The following RIPK4 variants were observed in gnomAD, a reference collection of about 807,000 sequenced individuals.
The protein encoded by RIPK4 is receptor interacting serine/threonine kinase 4.
Under a neutral mutation model 42.9 loss-of-function variants are expected in RIPK4, and 17 were observed. That is an observed-to-expected ratio of 0.40 (90% CI 0.27 to 0.59). The LOEUF is 0.59. Among genes scored for constraint, RIPK4 ranks in the 20% least tolerant of loss-of-function variants. The pLI is 0.47. For missense variants in RIPK4, 897 were observed against 1,104.4 expected, an observed-to-expected ratio of 0.81 and a Z score of 2.66; for synonymous variants, 498 against 499.1, an observed-to-expected ratio of 1.00 and a Z score of 0.03.
At chr21:41,745,027 C>A (rs936510771) in intron 6 of RIPK4, among the ~76,000 whole-genome samples, 1 of 152,124 alleles carries the variant, frequency 6.6e-6, no homozygotes, top group Admixed American at 6.5e-5. Flanking sequence ...CTGGGTGTAC[C>A]GAGCCACCCC....
At chr21:41,748,966 A>G (rs963935741) in intron 4 of RIPK4, among the ~76,000 whole-genome samples, 188 bp downstream of exon 4, 5 of 152,228 alleles carry the variant, frequency 3.3e-5, no homozygotes, top group African/African-American at 1.2e-4. Context: ...GCTGGCACCT[A>G]AAAACATTCC....
intron 1 of RIPK4, among the ~76,000 whole-genome samples, chr21:41,757,844 C>T (rs2061208478): frequency 6.6e-6 from 1 of 150,572 alleles, no homozygotes. Flanking sequence ...ACGAAAAATA[C>T]AAAAATTAGC....
In RIPK4 at chr21:41,742,298, G is replaced by A. The variant is rs1177775260; in HGVS notation, c.1196-301C>T. ...TTGGTGCTTAGAGATGGCAGTGACT[G>A]CAAACATCCCTTCATTAAAGAAAGA... On this transcript the variant is annotated intron_variant, in intron 7 of 7. Transcript: ENST00000332512. The surrounding 1 kb of genome is among the most constrained non-coding windows in gnomAD (Gnocchi z 5.1). 6.6e-6 allele frequency among the ~76,000 whole-genome samples: 1 copy of A among 152,224 alleles called. No homozygotes were observed. The highest frequency in any genetic ancestry group is 1.5e-5 in the Non-Finnish European group (1 of 68,046).
chr21:41,749,342 G>C (rs538034396), intron 3 of RIPK4, 139 bp from the exon 4 acceptor site: 1 of 806,736 alleles, frequency 1.2e-6, no homozygotes, highest in Non-Finnish European at 2.0e-6. Flanking sequence ...TATTTCTCCT[G>C]TTTTTAAAAA....
chr21:41,740,759 C>T lies in RIPK4; in HGVS notation c.*79G>A. The T allele has an allele frequency of 7.0e-7, 1 of 1,420,588 alleles. No individual in the cohort carries two copies. The highest frequency in any genetic ancestry group is 9.4e-7 in the Non-Finnish European group (1 of 1,063,316). The allele number at this position is 1,420,588 out of a possible 1,614,324, so 88.0% of individuals were successfully genotyped here. A position where few individuals can be genotyped will look rare whatever the true frequency, so the allele number is the denominator to read the frequency against. ...AGGTAAGCCACAACAGGGCCCCACG[C>T]AGGATCGTTCCATCCCCACGAGGAA... is the stretch of plus-strand genomic sequence containing the variant. On this transcript the variant is annotated 3_prime_UTR_variant, in exon 8 of 8. Transcript: ENST00000332512.
Position 41,741,171 on chromosome 21 carries a change from C to T in RIPK4, c.2022G>A (p.Leu674=). The change falls in exon 8 of 8, where the codon CTG becomes CTA. Residue 674 remains leucine (L), a synonymous_variant. Coordinates refer to ENST00000332512, the MANE Select transcript of RIPK4 (RefSeq NM_020639.3). ...EAMTSDGYTA[L]HLAARNGHLA... The stretch of plus-strand genomic sequence containing the variant: ...GGTGTCCGTTGCGGGCAGCCAGGTG[C>T]AGAGCGGTGTAGCCGTCTGAGGTCA... 2 of 1,612,488 alleles carry T rather than the reference C, an allele frequency of 1.2e-6. No homozygotes were observed. Among genetic ancestry groups the T allele is most frequent in the South Asian group, 2.2e-5 (2 of 90,944 alleles).
Position 41,741,159 on chromosome 21 carries a change from GGC to G in RIPK4, c.2032_2033del (p.Ala678ProfsTer51), listed in dbSNP as rs1569098523. Reference protein sequence around the residue: ...SDGYTALHLAARNGHLATVKL... With the variant: ...SDGYTALHLAXRNGHLATVKL... ...TGACAGTGGCCAGGTGTCCGTTGCG[GGC>G]AGCCAGGTGCAGAGCGGTGTAGCCG... On this transcript the variant is annotated frameshift_variant, in exon 8 of 8. Coordinates refer to ENST00000332512, the MANE Select transcript of RIPK4 (RefSeq NM_020639.3). LOFTEE classifies it low-confidence loss of function (END_TRUNC). 6.2e-7 allele frequency: 1 copy of G among 1,612,820 alleles called. No homozygotes were observed. The highest frequency in any genetic ancestry group is 8.5e-7 in the Non-Finnish European group (1 of 1,179,830).
In RIPK4 at chr21:41,766,633, C is replaced by G. The variant is rs534649536; in HGVS notation, c.182+227G>C. On this transcript the variant is annotated intron_variant, in intron 1 of 7. Transcript: ENST00000332512. Reference sequence around the variant, plus strand: ...GAGGAGCCGCCTGACCCGGCCCCGACGTGCGCGATCGAGCCCGGGCTCGCC... The same window carrying G: ...GAGGAGCCGCCTGACCCGGCCCCGAGGTGCGCGATCGAGCCCGGGCTCGCC... Among the ~76,000 whole-genome samples the G allele has an allele frequency of 1.7e-4, 26 of 152,260 alleles. No homozygotes were observed. The South Asian group carries it at 5.4e-3, about 32-fold the overall frequency.
At chr21:41,762,909 A>G (rs1055210310) in intron 1 of RIPK4, among the ~76,000 whole-genome samples, 1 of 152,310 alleles carries the variant, frequency 6.6e-6, no homozygotes, top group Non-Finnish European at 1.5e-5. Flanking sequence ...TACTGTTGAC[A>G]GTGAAGTCAA....
Position 41,741,218 on chromosome 21 carries a change from G to T in RIPK4, c.1975C>A (p.Arg659=). 6.2e-7 allele frequency: 1 copy of T among 1,609,256 alleles called. No homozygotes were observed. Residue 659 remains arginine, a synonymous_variant, in exon 8 of 8, where the codon CGG becomes AGG. Transcript: ENST00000332512. The stretch of plus-strand genomic sequence containing the variant: ...GTCATGGCCTCCTTGCCAGCGCCCC[G>T]ATGCAGGAGCAGCCTGGCAGTGCTC... ...HTSTARLLLH[R]GAGKEAMTSD...
At position 41,741,992 on chromosome 21, in the gene RIPK4, C is replaced by T; in HGVS notation, c.1201G>A (p.Gly401Ser). Reference protein sequence around the residue: ...FEREPSTSDLGTTDVQKKKLV... With the variant: ...FEREPSTSDLSTTDVQKKKLV... The stretch of plus-strand genomic sequence containing the variant: ...TTCTTCTTCTGGACGTCTGTGGTGC[C>T]CAGATCTGCAGGGAGAGGAGAGGCA... The change falls in exon 8 of 8, where the codon GGC becomes AGC. Residue 401 changes from glycine to serine, a missense_variant. Coordinates refer to ENST00000332512, the MANE Select transcript of RIPK4 (RefSeq NM_020639.3). 1 of 1,583,468 alleles carries T rather than the reference C, an allele frequency of 6.3e-7. No homozygotes were observed. Among genetic ancestry groups the T allele is most frequent in the African/African-American group, 1.3e-5 (1 of 74,428 alleles).
At chr21:41,758,075 GAA>G (rs58311956) in intron 1 of RIPK4, among the ~76,000 whole-genome samples, 2 of 114,220 alleles carry the variant, frequency 1.8e-5, no homozygotes, top group Non-Finnish European at 3.5e-5. Flanking sequence ...GAGAGAGAGA[GAA>G]AATGTAGTCA....
At position 41,751,001 on chromosome 21, in the gene RIPK4, C is replaced by G; in HGVS notation, c.623+96G>C. ...CCCGAGCCCCATTTCTGACTGGCAGCAAGAGGCCTTTCTGAAAGCTGCAGC... is the reference window on the plus strand; with the variant it reads ...CCCGAGCCCCATTTCTGACTGGCAGGAAGAGGCCTTTCTGAAAGCTGCAGC... On this transcript the variant is annotated intron_variant, in intron 3 of 7. Coordinates refer to ENST00000332512, the MANE Select transcript of RIPK4 (RefSeq NM_020639.3). The surrounding 1 kb of genome is among the most constrained non-coding windows in gnomAD (Gnocchi z 4.5). The G allele has an allele frequency of 6.8e-7, 1 of 1,476,514 alleles. No homozygotes were observed. The highest frequency in any genetic ancestry group is 9.2e-7 in the Non-Finnish European group (1 of 1,092,310). 91.5% of individuals were successfully genotyped at this position (1,476,514 alleles called of 1,614,324 possible).
intron 1 of RIPK4, among the ~76,000 whole-genome samples, chr21:41,765,997 T>A (rs966896409): frequency 1.3e-5 from 2 of 152,252 alleles, no homozygotes; most frequent in African/African-American, 4.8e-5. Flanking sequence ...TCGTCTTTGT[T>A]ACCTTGAACA....
At position 41,755,174 on chromosome 21, in the gene RIPK4, C is replaced by T. The variant is rs1393559729; in HGVS notation, c.474+1351G>A. Among the ~76,000 whole-genome samples the T allele has an allele frequency of 6.6e-6, 1 of 152,136 alleles. No individual in the cohort carries two copies. The highest frequency in any genetic ancestry group is 2.4e-5 in the African/African-American group (1 of 41,422). On this transcript the variant is annotated intron_variant, in intron 2 of 7. Coordinates refer to ENST00000332512, the MANE Select transcript of RIPK4 (RefSeq NM_020639.3). This position sits in a 1 kb window ranked among gnomAD's most constrained non-coding sequence, Gnocchi z 4.2. Reference sequence around the variant, plus strand: ...ACAGGAAACGGGAATCCCAGGGGTCCCAGAACATAAGCAGATGCGGGAAAC... The same window carrying T: ...ACAGGAAACGGGAATCCCAGGGGTCTCAGAACATAAGCAGATGCGGGAAAC...
At chr21:41,756,494 C>T in intron 2 of RIPK4, 31 bp downstream of exon 2, 1 of 1,597,276 alleles carries the variant, frequency 6.3e-7, no homozygotes, top group East Asian at 2.2e-5. Flanking sequence ...CCTCCCTGCC[C>T]AGCTCTCTCG....
Position 41,741,726 on chromosome 21 carries a change from G to C in RIPK4, c.1467C>G (p.Leu489=). ...TGACACTGATCTTCCGCGCCAGCAG[G>C]AGCTCCACGACACCCCGCACCCTCC... ...VERRVRGVVE[L]LLARKISVNA... is the part of the protein sequence containing the mutation. Residue 489 remains leucine (L), a synonymous_variant, in exon 8 of 8, where the codon CTC becomes CTG. Coordinates refer to ENST00000332512, the MANE Select transcript of RIPK4 (RefSeq NM_020639.3). 1 of 1,613,038 alleles carries C rather than the reference G, an allele frequency of 6.2e-7. No homozygotes were observed. The highest frequency in any genetic ancestry group is 1.7e-5 in the Admixed American group (1 of 60,030).
Position 41,755,989 on chromosome 21 carries a change from A to G in RIPK4, c.474+536T>C, listed in dbSNP as rs2061202129. On this transcript the variant is annotated intron_variant, in intron 2 of 7. Coordinates refer to ENST00000332512, the MANE Select transcript of RIPK4 (RefSeq NM_020639.3). The surrounding 1 kb of genome is among the most constrained non-coding windows in gnomAD (Gnocchi z 4.2). Reference sequence around the variant, plus strand: ...CATCTCCCAGGCGTTGCACTAACGCAACACGCTGCCACTCCGCACTCTACG... The same window carrying G: ...CATCTCCCAGGCGTTGCACTAACGCGACACGCTGCCACTCCGCACTCTACG... Among the ~76,000 whole-genome samples, 3 of 152,212 alleles carry G rather than the reference A, an allele frequency of 2.0e-5. No homozygotes were observed. Among genetic ancestry groups the G allele is most frequent in the Admixed American group, 2.0e-4 (3 of 15,292 alleles).
intron 1 of RIPK4, among the ~76,000 whole-genome samples, chr21:41,764,379 T>C (rs2061230097): frequency 6.6e-6 from 1 of 151,944 alleles, no homozygotes; most frequent in African/African-American, 2.4e-5. Flanking sequence ...GTGGCTCCTA[T>C]GTAACAAGTG....
Sources: allele counts gnomAD v4.1 joint callset (sites outside exome capture counted in the v4.1 genomes callset), GRCh38; gene constraint gnomAD v4.1.1; non-coding constraint Gnocchi (gnomAD v3.1); transcripts MANE v1.5; gene names NCBI Gene and HGNC (gene_info 2026-07-23, HGNC 2026-07-21).